The following RALGAPA2 variants were observed in gnomAD, a reference collection of about 807,000 sequenced individuals.
The protein encoded by RALGAPA2 is Ral GTPase activating protein catalytic subunit alpha 2.
A neutral mutation model predicts 230.4 loss-of-function variants in RALGAPA2; 139 were observed. That is an observed-to-expected ratio of 0.60 (90% CI 0.53 to 0.69). RALGAPA2 has a LOEUF of 0.69. RALGAPA2 is among the 30% of genes least tolerant of loss of function. The pLI is 0.00. For synonymous variants in RALGAPA2, 847 were observed against 837.8 expected, an observed-to-expected ratio of 1.01 and a Z score of -0.19; for missense variants, 2,163 against 2,276.0, an observed-to-expected ratio of 0.95 and a Z score of 1.01.
rs1170105450 is a variant in RALGAPA2 at position 20,503,516 on chromosome 20, G to A, written c.5053-10C>T. 1.3e-6 allele frequency: 2 copies of A among 1,539,118 alleles called. No homozygotes were observed. The highest frequency in any genetic ancestry group is 1.7e-6 in the Non-Finnish European group (2 of 1,142,926). On this transcript the variant is annotated splice_polypyrimidine_tract_variant and intron_variant, in intron 34 of 39. Coordinates refer to ENST00000202677, the MANE Select transcript of RALGAPA2 (RefSeq NM_020343.4). ...GGGTGGAGAGATCCACCTGACAAAG[G>A]TCACAAAGAAGAAAGAGTGAGGATC...
intron 21 of RALGAPA2, 44 bp downstream of exon 21, chr20:20,572,831 C>T: frequency 7.2e-7 from 1 of 1,386,140 alleles, no homozygotes; most frequent in Non-Finnish European, 9.6e-7. Flanking sequence ...AATGATAAGA[C>T]CATTTTCCTG....
rs751478810 is a variant in RALGAPA2, at chr20:20,546,789, A to C, written c.3200T>G (p.Phe1067Cys). ...TGAGAAGCCAGGAAAACCCAGGGAGAAAAAGCGGGGTGGACAGTGCCTTAT... is the reference window on the plus strand; with the variant it reads ...TGAGAAGCCAGGAAAACCCAGGGAGCAAAAGCGGGGTGGACAGTGCCTTAT... ...TIIRHCPPRFFSLGFPGFSML... is the reference protein window; with the variant it reads ...TIIRHCPPRFCSLGFPGFSML... The change falls in exon 24 of 40, where the codon TTC (phenylalanine) becomes TGC (cysteine). Residue 1067 changes from phenylalanine to cysteine, a missense_variant. Phe to Cys is a radical substitution (Grantham distance 205, BLOSUM62 -2). Coordinates refer to ENST00000202677, the MANE Select transcript of RALGAPA2 (RefSeq NM_020343.4). 121 of 1,611,074 alleles carry C rather than the reference A, an allele frequency of 7.5e-5. No homozygotes were observed. Among genetic ancestry groups the C allele is most frequent in the Non-Finnish European group, 1.0e-4 (121 of 1,178,948 alleles).
In RALGAPA2 at chr20:20,637,343, A is replaced by T. The variant is rs1171353286; in HGVS notation, c.805+20T>A. 6.4e-7 allele frequency: 1 copy of T among 1,573,302 alleles called. No homozygotes were observed. Among genetic ancestry groups the T allele is most frequent in the African/African-American group, 1.4e-5 (1 of 73,280 alleles). On this transcript the variant is annotated intron_variant, in intron 8 of 39. Coordinates refer to ENST00000202677, the MANE Select transcript of RALGAPA2 (RefSeq NM_020343.4). ...GCTTTCCTTTGGATATCCTCTATAC[A>T]CGGCTCCAACAGTACTTACCAAGTA...
At chr20:20,586,890 A>C (rs2146058256) in intron 18 of RALGAPA2, among the ~76,000 whole-genome samples, 1 of 152,324 alleles carries the variant, frequency 6.6e-6, no homozygotes, top group South Asian at 2.1e-4. Flanking sequence ...TTCCAGGAGG[A>C]AAGCAAAGAG....
Position 20,524,729 on chromosome 20 carries a change from G to A in RALGAPA2, c.3762+101C>T, listed in dbSNP as rs45608131. On this transcript the variant is annotated intron_variant, in intron 29 of 39. Coordinates refer to ENST00000202677, the MANE Select transcript of RALGAPA2 (RefSeq NM_020343.4). ...AAAGACTGTTAAGGCCAATAGAGAA[G>A]GATATTACAAAGGATATCACTAGTT... is the stretch of plus-strand genomic sequence containing the variant. The A allele has an allele frequency of 5.9e-3, 7,598 of 1,297,186 alleles. 29 individuals are homozygous for A. The highest frequency in any genetic ancestry group is 6.7e-3 in the Non-Finnish European group (6,387 of 948,374). 80.4% of individuals were successfully genotyped at this position (1,297,186 alleles called of 1,614,324 possible).
At chr20:20,677,589 G>C (rs1039449242) in intron 2 of RALGAPA2, among the ~76,000 whole-genome samples, 1 of 136,218 alleles carries the variant, frequency 7.3e-6, no homozygotes, top group African/African-American at 2.8e-5. Flanking sequence ...ATGAGAACCC[G>C]TTTGAAACTT....
At chr20:20,417,893 A>G (rs1475092445) in intron 37 of RALGAPA2, among the ~76,000 whole-genome samples, 2 of 152,258 alleles carry the variant, frequency 1.3e-5, no homozygotes, top group African/African-American at 4.8e-5. Context: ...AATTTGAAGT[A>G]AAATTATACA....
At chr20:20,594,236 T>C (rs556172167) in intron 16 of RALGAPA2, among the ~76,000 whole-genome samples, 1 of 152,378 alleles carries the variant, frequency 6.6e-6, no homozygotes, top group South Asian at 2.1e-4. Context: ...TCATATTTTA[T>C]ATTAAATACA....
chr20:20,452,280 C>T (rs1369372855), intron 37 of RALGAPA2, among the ~76,000 whole-genome samples: 1 of 152,142 alleles, frequency 6.6e-6, no homozygotes, highest in African/African-American at 2.4e-5. Flanking sequence ...CCAAAAGTCA[C>T]CATTGTAGAG....
chr20:20,495,369 CA>C, intron 35 of RALGAPA2, 94 bp from the exon 36 acceptor site: 18 of 1,135,724 alleles, frequency 1.6e-5, no homozygotes, highest in Admixed American at 5.8e-5. Context: ...ACTCAAAGGC[CA>C]AAAAAATTTC....
At chr20:20,401,868 C>T (rs944269447) in intron 38 of RALGAPA2, among the ~76,000 whole-genome samples, 1 of 152,192 alleles carries the variant, frequency 6.6e-6, no homozygotes, top group Non-Finnish European at 1.5e-5. Context: ...AGTAGGCAAC[C>T]CTTTAGCTAA....
chr20:20,406,620 A>G (rs2059952441), intron 38 of RALGAPA2, among the ~76,000 whole-genome samples: 1 of 152,202 alleles, frequency 6.6e-6, no homozygotes, highest in Non-Finnish European at 1.5e-5. Flanking sequence ...GTATTTAAGG[A>G]AAACTTTTGG....
At chr20:20,406,831 G>A (rs917608150) in intron 38 of RALGAPA2, among the ~76,000 whole-genome samples, 3 of 152,192 alleles carry the variant, frequency 2.0e-5, no homozygotes, top group Non-Finnish European at 4.4e-5. Flanking sequence ...AGGATTGCTC[G>A]AGCCTGGGAC....
intron 23 of RALGAPA2, among the ~76,000 whole-genome samples, chr20:20,553,378 G>A (rs1451410196): frequency 2.0e-5 from 3 of 151,856 alleles, no homozygotes; most frequent in Non-Finnish European, 4.4e-5. Flanking sequence ...ATATCAAGAC[G>A]CTGCCTCTAC....
chr20:20,697,885 C>G (rs554405374), intron 1 of RALGAPA2, among the ~76,000 whole-genome samples: 1 of 152,240 alleles, frequency 6.6e-6, no homozygotes, highest in South Asian at 2.1e-4. Context: ...GGGTAAGTAC[C>G]CTGACCACAT....
chr20:20,658,180 A>G (rs2067653903), intron 3 of RALGAPA2, among the ~76,000 whole-genome samples: 1 of 152,250 alleles, frequency 6.6e-6, no homozygotes, highest in Non-Finnish European at 1.5e-5. Flanking sequence ...ATGCATGCCC[A>G]GTATCTGAGC....
intron 37 of RALGAPA2, among the ~76,000 whole-genome samples, chr20:20,413,521 GAATT>G (rs1036607191): frequency 5.9e-5 from 9 of 152,130 alleles, no homozygotes; most frequent in African/African-American, 1.9e-4. Context: ...TTTTAAATCT[GAATT>G]AATTAAAGTA....
chr20:20,542,392 A>G (rs1301376789), intron 24 of RALGAPA2, among the ~76,000 whole-genome samples: 1 of 152,250 alleles, frequency 6.6e-6, no homozygotes, highest in Non-Finnish European at 1.5e-5. Flanking sequence ...CTTTCCTCAC[A>G]GAATTAGAAA....
At chr20:20,646,484 A>C (rs1393733493) in intron 4 of RALGAPA2, among the ~76,000 whole-genome samples, 1 of 152,092 alleles carries the variant, frequency 6.6e-6, no homozygotes, top group East Asian at 1.9e-4. Flanking sequence ...TACCCACCCC[A>C]CCTCTTCTGT....
Sources: allele counts gnomAD v4.1 joint callset (sites outside exome capture counted in the v4.1 genomes callset), GRCh38; gene constraint gnomAD v4.1.1; transcripts MANE v1.5; gene names NCBI Gene and HGNC (gene_info 2026-07-23, HGNC 2026-07-21).